FRMD3: variants seen among roughly 807,000 people sequenced by gnomAD.
FRMD3 encodes FERM domain-containing protein 3.
In FRMD3, 33 loss-of-function variants were observed where a neutral mutation model predicts 70.2. The observed-to-expected ratio is 0.47, with a 90% confidence interval of 0.36 to 0.63. FRMD3 has a LOEUF of 0.63. FRMD3 is among the 20% of genes least tolerant of loss of function. FRMD3 has a pLI of 0.00. For synonymous variants in FRMD3, 279 were observed against 255.9 expected (o/e 1.09, Z -0.86); for missense variants, 632 against 711.4 (o/e 0.89, Z 1.27).
intron 1 of FRMD3, among the ~76,000 whole-genome samples, chr9:83,411,593 G>A (rs80225604): frequency 0.038 from 5,774 of 152,328 alleles, 189 homozygotes; most frequent in East Asian, 0.15. Flanking sequence ...TAATTGTCTA[G>A]GTGAGTGGAG....
At chr9:83,572,215 T>C in the FRMD3 span, among the ~76,000 whole-genome samples, 4 of 151,892 alleles carry the variant, frequency 2.6e-5, no homozygotes, top group Admixed American at 6.6e-5. Context: ...TAACAGCACA[T>C]TTGTAGTCTA....
At chr9:83,254,607 A>G (rs779742192) in intron 13 of FRMD3, among the ~76,000 whole-genome samples, 1 of 152,052 alleles carries the variant, frequency 6.6e-6, no homozygotes, top group Non-Finnish European at 1.5e-5. Flanking sequence ...GCTGAATTTT[A>G]GAAAAAAATA....
intron 1 of FRMD3, among the ~76,000 whole-genome samples, chr9:83,507,684 A>T (rs1829219706): frequency 3.2e-5 from 1 of 31,404 alleles, no homozygotes; most frequent in Non-Finnish European, 5.3e-5. Flanking sequence ...AAAAAAAAAT[A>T]TACATACATA....
chr9:83,310,341 A>AT (rs1266143939), intron 9 of FRMD3, 144 bp downstream of exon 9: 2 of 732,422 alleles, frequency 2.7e-6, no homozygotes, highest in Non-Finnish European at 4.6e-6. Flanking sequence ...TGCCTCTAAA[A>AT]TATTTTTAGC....
chr9:83,489,612 T>A (rs936276008), intron 1 of FRMD3, among the ~76,000 whole-genome samples: 6 of 152,124 alleles, frequency 3.9e-5, no homozygotes, highest in Admixed American at 3.9e-4. Context: ...AAATAACAGA[T>A]GCTAGCAAGG....
At chr9:83,305,456 T>C (rs1011351671) in intron 10 of FRMD3, among the ~76,000 whole-genome samples, 10 of 152,180 alleles carry the variant, frequency 6.6e-5, no homozygotes, top group Non-Finnish European at 2.9e-5. Context: ...ATTAACAGCT[T>C]TGTTCCAGGC....
At chr9:83,330,941 A>G (rs1025999192) in intron 6 of FRMD3, among the ~76,000 whole-genome samples, 4 of 152,184 alleles carry the variant, frequency 2.6e-5, no homozygotes, top group Non-Finnish European at 4.4e-5. Context: ...AATCCAGAAC[A>G]CTAACAACAC....
chr9:83,316,957 C>T (rs906233281), intron 6 of FRMD3, among the ~76,000 whole-genome samples: 1 of 152,104 alleles, frequency 6.6e-6, no homozygotes, highest in African/African-American at 2.4e-5. Flanking sequence ...GTTATCCCCA[C>T]ACTTTGGGAG....
At chr9:83,338,481 G>T (rs1177751991) in intron 5 of FRMD3, among the ~76,000 whole-genome samples, 2 of 152,150 alleles carry the variant, frequency 1.3e-5, no homozygotes, top group Admixed American at 1.3e-4. Flanking sequence ...GGTGTTTATT[G>T]TTAGTGGGAC....
Position 83,357,237 on chromosome 9 carries a change from TAATACATAC to T in FRMD3, c.296-7489_296-7481del, listed in dbSNP as rs1263499102. Among the ~76,000 whole-genome samples the T allele has an allele frequency of 3.2e-3, 35 of 10,914 alleles. 2 individuals carry two copies. The highest frequency in any genetic ancestry group is 9.5e-3 in the African/African-American group (23 of 2,420). 7.2% of individuals were successfully genotyped at this position (10,914 alleles called of 152,430 possible). The stretch of plus-strand genomic sequence containing the variant: ...GGAATATATATATTTTATATATATA[TAATACATAC>T]ATATATATATATATATATATATATA... On this transcript the variant is annotated intron_variant, in intron 3 of 13. Coordinates refer to ENST00000304195, the MANE Select transcript of FRMD3 (RefSeq NM_174938.6).
chr9:83,558,151 G>A, the FRMD3 span, among the ~76,000 whole-genome samples: 1 of 152,222 alleles, frequency 6.6e-6, no homozygotes, highest in African/African-American at 2.4e-5. Context: ...CAGATTTGTT[G>A]AAGGATAGTC....
the FRMD3 span, among the ~76,000 whole-genome samples, chr9:83,543,616 G>A: frequency 6.6e-6 from 1 of 152,160 alleles, no homozygotes; most frequent in Non-Finnish European, 1.5e-5. Flanking sequence ...CTGAGATTGT[G>A]GCACCCACAT....
the FRMD3 span, among the ~76,000 whole-genome samples, chr9:83,545,356 G>GTTTTTTTTTTTTTT: frequency 3.4e-5 from 4 of 117,606 alleles, no homozygotes; most frequent in Non-Finnish European, 6.9e-5. Flanking sequence ...GTTTTTTTTT[G>GTTTTTTTTTTTTTT]TTTTTTTTTT....
chr9:83,368,144 G>T (rs1411362096), intron 3 of FRMD3, among the ~76,000 whole-genome samples: 1 of 152,156 alleles, frequency 6.6e-6, no homozygotes, highest in Admixed American at 6.5e-5. Context: ...GTTGCGAGTT[G>T]TTGGAAGGCA....
chr9:83,291,279 T>A (rs1834409544), intron 12 of FRMD3, among the ~76,000 whole-genome samples: 1 of 152,332 alleles, frequency 6.6e-6, no homozygotes, highest in South Asian at 2.1e-4. Context: ...TGTTTTCTCC[T>A]CTGGAAAGGA....
chr9:83,397,651 G>A (rs1214965658), intron 1 of FRMD3, among the ~76,000 whole-genome samples: 1 of 152,148 alleles, frequency 6.6e-6, no homozygotes, highest in Non-Finnish European at 1.5e-5. Flanking sequence ...GGAGCTGTGA[G>A]GCCTCATTTC....
chr9:83,261,571 C>T (rs1253472933), intron 13 of FRMD3, among the ~76,000 whole-genome samples: 1 of 152,156 alleles, frequency 6.6e-6, no homozygotes, highest in African/African-American at 2.4e-5. Context: ...CTTGTGAGGG[C>T]CTAAACTCTC....
chr9:83,251,536 T>C (rs1328074824), intron 13 of FRMD3, among the ~76,000 whole-genome samples: 3 of 152,092 alleles, frequency 2.0e-5, no homozygotes, highest in African/African-American at 7.3e-5. Context: ...TTGACAGAAG[T>C]AGGCTTCAGA....
At chr9:83,258,035 C>A (rs1380218297) in intron 13 of FRMD3, among the ~76,000 whole-genome samples, 3 of 152,078 alleles carry the variant, frequency 2.0e-5, no homozygotes, top group Non-Finnish European at 4.4e-5. Flanking sequence ...CTGCAATAAT[C>A]AAAAAATACT....
Sources: allele counts gnomAD v4.1 joint callset (sites outside exome capture counted in the v4.1 genomes callset), GRCh38; gene constraint gnomAD v4.1.1; transcripts MANE v1.5; gene names NCBI Gene and HGNC (gene_info 2026-07-23, HGNC 2026-07-21).